The following DIO2 variants were observed in gnomAD, a reference collection of about 807,000 sequenced individuals.
DIO2 encodes the protein type II iodothyronine deiodinase.
DIO2 carries 19 observed loss-of-function variants against 21.4 expected under a neutral mutation model. The observed-to-expected ratio is 0.89, with a 90% confidence interval of 0.62 to 1.30. The LOEUF is 1.30. Among genes scored for constraint, DIO2 ranks in the 50% most tolerant of loss-of-function variants. The pLI is 0.00. For missense variants in DIO2, 302 were observed against 338.1 expected (o/e 0.89, Z 0.84); for synonymous variants, 122 against 132.9 (o/e 0.92, Z 0.57).
At chr14:80,210,086 T>G (rs1013379381) in intron 1 of DIO2, among the ~76,000 whole-genome samples, 1 of 152,162 alleles carries the variant, frequency 6.6e-6, no homozygotes, top group African/African-American at 2.4e-5. Flanking sequence ...AAAATACAGA[T>G]GTACAGTTGC....
intron 1 of DIO2, among the ~76,000 whole-genome samples, chr14:80,207,808 A>G (rs1888008047): frequency 6.6e-6 from 1 of 152,088 alleles, no homozygotes; most frequent in African/African-American, 2.4e-5. Context: ...AAGCTCTATC[A>G]TTCCCCAATG....
intron 2 of DIO2, among the ~76,000 whole-genome samples, chr14:80,222,558 A>G (rs938189954): frequency 1.3e-5 from 2 of 152,212 alleles, no homozygotes; most frequent in African/African-American, 4.8e-5. Context: ...ATTGGGAGAA[A>G]TATAAGTAAC....
chr14:80,224,866 G>A (rs756763735), intron 2 of DIO2, among the ~76,000 whole-genome samples: 39 of 152,096 alleles, frequency 2.6e-4, no homozygotes, highest in Non-Finnish European at 4.3e-4. Context: ...ATATATAAAG[G>A]GGAGTTTATT....
intron 2 of DIO2, among the ~76,000 whole-genome samples, chr14:80,228,594 G>A (rs868786003): frequency 6.6e-6 from 1 of 152,160 alleles, no homozygotes; most frequent in Non-Finnish European, 1.5e-5. Flanking sequence ...TTTCTAGGTA[G>A]AGCCAGCTCT....
At chr14:80,211,690 C>T, upstream of DIO2, 1 of 432,342 alleles carries the variant, frequency 2.3e-6, no homozygotes, top group Non-Finnish European at 4.1e-6. Context: ...TCCAGCCCAG[C>T]AGTTGGAGTG....
chr14:80,203,293 C>CA lies in DIO2; in HGVS notation c.223-6_223-5insT. On this transcript the variant is annotated splice_polypyrimidine_tract_variant and splice_region_variant and intron_variant, in intron 1 of 1. Coordinates refer to ENST00000438257, the MANE Select transcript of DIO2 (RefSeq NM_013989.5). ...GGCATCCTCACCCAATTTCACCTGA[C>CA]GGTAAAAAAAAAAAAAAAGAAGAAG... The CA allele has an allele frequency of 7.3e-7, 1 of 1,377,550 alleles. No homozygotes were observed. Among genetic ancestry groups the CA allele is most frequent in the African/African-American group, 2.4e-5 (1 of 41,744 alleles). The allele number at this position is 1,377,550 out of a possible 1,614,324, so 85.3% of individuals were successfully genotyped here.
intron 1 of DIO2, among the ~76,000 whole-genome samples, chr14:80,205,328 C>T (rs962884514): frequency 3.3e-5 from 5 of 151,846 alleles, no homozygotes; most frequent in Admixed American, 6.6e-5. Context: ...CTCAACGTAC[C>T]GTGATAAGAA....
chr14:80,229,821 A>G (rs1243812525), intron 2 of DIO2, among the ~76,000 whole-genome samples: 1 of 152,152 alleles, frequency 6.6e-6, no homozygotes, highest in African/African-American at 2.4e-5. Flanking sequence ...CCATTAACTC[A>G]TACCATTAAT....
chr14:80,229,165 T>C (rs1888636962), intron 2 of DIO2, among the ~76,000 whole-genome samples: 1 of 152,114 alleles, frequency 6.6e-6, no homozygotes, highest in Admixed American at 6.6e-5. Context: ...CTAGAAGTTT[T>C]CTGCTTGTAT....
chr14:80,226,939 T>A (rs1217095030), intron 2 of DIO2, among the ~76,000 whole-genome samples: 1 of 152,218 alleles, frequency 6.6e-6, no homozygotes, highest in Non-Finnish European at 1.5e-5. Flanking sequence ...TCACCAATTT[T>A]CCAATCATCC....
At position 80,201,307 on chromosome 14, in the gene DIO2, G is replaced by A. The variant is rs1887712535; in HGVS notation, c.*1382C>T. ...ATACCGGGGGTTGCCTTATAACAAAGCCTCCAAAATGATTGATCAGAATTA... is the reference window on the plus strand; with the variant it reads ...ATACCGGGGGTTGCCTTATAACAAAACCTCCAAAATGATTGATCAGAATTA... On this transcript the variant is annotated 3_prime_UTR_variant, in exon 2 of 2. Coordinates refer to ENST00000438257, the MANE Select transcript of DIO2 (RefSeq NM_013989.5). The A allele has an allele frequency of 6.6e-6, 1 of 151,782 alleles. No individual in the cohort carries two copies. Among genetic ancestry groups the A allele is most frequent in the African/African-American group, 2.4e-5 (1 of 41,304 alleles). The allele number at this position is 151,782 out of a possible 1,614,324, so 9.4% of individuals were successfully genotyped here. A position where few individuals can be genotyped will look rare whatever the true frequency, so the allele number is the denominator to read the frequency against.
chr14:80,225,726 G>A (rs1594883692), intron 2 of DIO2, among the ~76,000 whole-genome samples: 2 of 152,160 alleles, frequency 1.3e-5, no homozygotes, highest in Middle Eastern at 6.8e-3. Context: ...TGGACCATTT[G>A]TAGTCCTGCC....
chr14:80,199,190 C>A lies in DIO2; in HGVS notation c.*3499G>T, dbSNP rs1244137963. Reference sequence around the variant, plus strand: ...TAGAATTTTATGCAGCAAGGCAGCACCAACATGTGACCTCACCATATTTCA... The same window carrying A: ...TAGAATTTTATGCAGCAAGGCAGCAACAACATGTGACCTCACCATATTTCA... On this transcript the variant is annotated 3_prime_UTR_variant, in exon 2 of 2. Transcript: ENST00000438257. The A allele has an allele frequency of 1.3e-5, 2 of 152,232 alleles. No individual in the cohort carries two copies. The highest frequency in any genetic ancestry group is 2.9e-5 in the Non-Finnish European group (2 of 68,054). The allele number at this position is 152,232 out of a possible 1,614,324, so 9.4% of individuals were successfully genotyped here. A position where few individuals can be genotyped will look rare whatever the true frequency, so the allele number is the denominator to read the frequency against.
intron 1 of DIO2, among the ~76,000 whole-genome samples, chr14:80,205,249 C>T (rs1453267262): frequency 6.6e-6 from 1 of 151,724 alleles, no homozygotes; most frequent in Admixed American, 6.6e-5. Context: ...CTCTTTAGAT[C>T]TTTCCCATTT....
At chr14:80,209,531 G>C (rs930971691) in intron 1 of DIO2, among the ~76,000 whole-genome samples, 1 of 152,054 alleles carries the variant, frequency 6.6e-6, no homozygotes, top group African/African-American at 2.4e-5. Flanking sequence ...TCCTCCACCT[G>C]CCTCCAAATT....
chr14:80,224,209 C>A (rs909238831), intron 2 of DIO2, among the ~76,000 whole-genome samples: 2 of 152,018 alleles, frequency 1.3e-5, no homozygotes, highest in Non-Finnish European at 2.9e-5. Context: ...AGCAAATTGC[C>A]AAAGGTCACA....
chr14:80,203,296 T>TAA lies in DIO2; in HGVS notation c.223-10_223-9dup, dbSNP rs5809986. 0.011 allele frequency: 14,952 copies of TAA among 1,389,214 alleles called. 321 individuals are homozygous for TAA. Among genetic ancestry groups the TAA allele is most frequent in the African/African-American group, 0.1 (6,315 of 63,204 alleles). The allele number at this position is 1,389,214 out of a possible 1,614,324, so 86.1% of individuals were successfully genotyped here. On this transcript the variant is annotated splice_polypyrimidine_tract_variant and intron_variant, in intron 1 of 1. Transcript: ENST00000438257. ...ATCCTCACCCAATTTCACCTGACGGTAAAAAAAAAAAAAAAGAAGAAGAAG... is the reference window on the plus strand; with the variant it reads ...ATCCTCACCCAATTTCACCTGACGGTAAAAAAAAAAAAAAAAAGAAGAAGAAG...
At position 80,201,174 on chromosome 14, in the gene DIO2, A is replaced by G. The variant is rs1314471953; in HGVS notation, c.*1515T>C. 6.6e-6 allele frequency: 1 copy of G among 151,508 alleles called. No homozygotes were observed. The highest frequency in any genetic ancestry group is 1.9e-4 in the East Asian group (1 of 5,182). 9.4% of individuals were successfully genotyped at this position (151,508 alleles called of 1,614,324 possible). A position where few individuals can be genotyped will look rare whatever the true frequency, so the allele number is the denominator to read the frequency against. On this transcript the variant is annotated 3_prime_UTR_variant, in exon 2 of 2. Transcript: ENST00000438257. ...ATATTTTATATATATATTTTTTAAA[A>G]TAGCATTATAATCATATACTATAGG...
In DIO2 at chr14:80,200,545, C is replaced by A. The variant is rs1240503402; in HGVS notation, c.*2144G>T. ...TTTTTTATTTTACTGCTTTAGGGTTCCACGTAAATCTCAACACCATTTTGA... is the reference window on the plus strand; with the variant it reads ...TTTTTTATTTTACTGCTTTAGGGTTACACGTAAATCTCAACACCATTTTGA... On this transcript the variant is annotated 3_prime_UTR_variant, in exon 2 of 2. Coordinates refer to ENST00000438257, the MANE Select transcript of DIO2 (RefSeq NM_013989.5). 2.6e-5 allele frequency: 4 copies of A among 152,104 alleles called. No homozygotes were observed. 9.4% of individuals were successfully genotyped at this position (152,104 alleles called of 1,614,324 possible).
Sources: gnomAD v4.1 joint callset for allele counts (sites outside exome capture counted in the v4.1 genomes callset) on GRCh38, gnomAD v4.1.1 for gene constraint, MANE v1.5 for transcripts, NCBI Gene and HGNC (gene_info 2026-07-23, HGNC 2026-07-21) for gene names.